Variants in FAN1 observed in about 807,000 individuals in gnomAD.
FAN1 encodes FANCD2 and FANCI associated nuclease 1.
FAN1 carries 91 observed loss-of-function variants against 104.9 expected under a neutral mutation model. That is an observed-to-expected ratio of 0.87 (90% CI 0.73 to 1.03). The LOEUF is 1.03. Ranked by LOEUF, FAN1 falls within the 50% of genes least tolerant of loss-of-function variation. The pLI, the probability that FAN1 is intolerant of heterozygous loss-of-function variation, is 0.00. For synonymous variants in FAN1, 478 were observed against 457.6 expected (o/e 1.04, Z -0.57); for missense variants, 1,263 against 1,239.9 (o/e 1.02, Z -0.28).
At chr15:30,932,393 G>A (rs1272770533) in intron 13 of FAN1, among the ~76,000 whole-genome samples, 1 of 152,052 alleles carries the variant, frequency 6.6e-6, no homozygotes, top group Non-Finnish European at 1.5e-5. Flanking sequence ...GAAGGATATT[G>A]AGCTGTACTT....
chr15:30,929,772 T>TAA (rs2062608634), intron 12 of FAN1, among the ~76,000 whole-genome samples: 6 of 30,592 alleles, frequency 2.0e-4, no homozygotes, highest in African/African-American at 8.4e-4. Context: ...ATAAAATATA[T>TAA]AATATATTAT....
At chr15:30,933,492 G>GT (rs754738305) in intron 13 of FAN1, among the ~76,000 whole-genome samples, 1 of 152,100 alleles carries the variant, frequency 6.6e-6, no homozygotes, top group Non-Finnish European at 1.5e-5. Context: ...GACATATTTT[G>GT]TATGATTTGA....
rs1463199111 is a variant in FAN1, at chr15:30,941,841, TTA to T, written c.*281_*282del. The T allele has an allele frequency of 8.1e-6, 13 of 1,613,890 alleles. No homozygotes were observed. Among genetic ancestry groups the T allele is most frequent in the Non-Finnish European group, 8.5e-7 (1 of 1,179,900 alleles). On this transcript the variant is annotated 3_prime_UTR_variant, in exon 15 of 15. Transcript: ENST00000362065. ...CGGAAGTAGCACAGTTTCCACAGTT[TTA>T]TGTGTGTTCCAGAGACACGTGGCAG...
chr15:30,932,453 G>C (rs1406941569), intron 13 of FAN1, among the ~76,000 whole-genome samples: 1 of 152,066 alleles, frequency 6.6e-6, no homozygotes, highest in Admixed American at 6.6e-5. Context: ...AGTCATACCA[G>C]CATCAGAGTG....
rs751410785 is a variant in FAN1, at chr15:30,904,751, A to G, written c.88A>G (p.Ile30Val). The G allele has an allele frequency of 1.2e-5, 19 of 1,612,780 alleles. 1 individual carries two copies. The Middle Eastern group carries it at 6.6e-4, about 56-fold the overall frequency. The change falls in exon 2 of 15, where the codon ATT (isoleucine) becomes GTT (valine). Residue 30 changes from isoleucine to valine, a missense_variant. Transcript: ENST00000362065. ...SKNKKKASNS[I>V]ISCFNNAPPA... ...GAATAAGAAAAAAGCATCTAATTCTATTATTTCGTGTTTTAACAATGCACC... is the reference window on the plus strand; with the variant it reads ...GAATAAGAAAAAAGCATCTAATTCTGTTATTTCGTGTTTTAACAATGCACC...
intron 2 of FAN1, chr15:30,906,589 G>A: frequency 2.2e-6 from 1 of 444,674 alleles, no homozygotes; most frequent in Non-Finnish European, 4.6e-6. Context: ...CCTGAGGGCA[G>A]GAAAAAACAT....
At chr15:30,911,429 G>C (rs914906663) in intron 4 of FAN1, 1 of 982,996 alleles carries the variant, frequency 1.0e-6, no homozygotes, top group African/African-American at 1.7e-5. Context: ...ACATGATGTT[G>C]TTATTTATTT....
intron 14 of FAN1, chr15:30,939,502 CAAT>C: frequency 1.0e-6 from 1 of 983,412 alleles, no homozygotes; most frequent in Non-Finnish European, 1.2e-6. Context: ...AACTGTAGCA[CAAT>C]AATCATGATA....
At chr15:30,923,206 A>C (rs1426478146) in intron 8 of FAN1, among the ~76,000 whole-genome samples, 5 of 152,106 alleles carry the variant, frequency 3.3e-5, no homozygotes, top group Admixed American at 2.0e-4. Flanking sequence ...TTGTTACCTC[A>C]CGTATCAGGG....
chr15:30,922,180 T>C (rs1022030395), intron 7 of FAN1, 55 bp from the exon 8 acceptor site: 11 of 1,585,266 alleles, frequency 6.9e-6, no homozygotes, highest in Non-Finnish European at 8.6e-6. Context: ...GTAAATATCA[T>C]TGCAGCTGGA....
At position 30,942,905 on chromosome 15, in the gene FAN1, A is replaced by G. The variant is rs780996694; in HGVS notation, c.*1343A>G. 3.4e-5 allele frequency: 53 copies of G among 1,564,598 alleles called. No homozygotes were observed. The highest frequency in any genetic ancestry group is 2.4e-5 in the Non-Finnish European group (28 of 1,153,244). On this transcript the variant is annotated 3_prime_UTR_variant, in exon 15 of 15. Coordinates refer to ENST00000362065, the MANE Select transcript of FAN1 (RefSeq NM_014967.5). The stretch of plus-strand genomic sequence containing the variant: ...TGTGATTTACCTTTGTCCGTTTAAA[A>G]GACTTCACGGAGCCATTCTGTATAC...
At position 30,904,812 on chromosome 15, in the gene FAN1, T is replaced by G. The variant is rs148404807; in HGVS notation, c.149T>G (p.Met50Arg). 3,268 of 1,613,604 alleles carry G rather than the reference T, an allele frequency of 2.0e-3. 8 individuals carry two copies. The highest frequency in any genetic ancestry group is 3.6e-3 in the Admixed American group (218 of 60,010). The change falls in exon 2 of 15, where the codon ATG becomes AGG. Residue 50 changes from methionine (M) to arginine (R), a missense_variant. Physicochemically the swap from Met to Arg is moderately conservative, Grantham distance 91. Transcript: ENST00000362065. ...AKLACPVCSKMVPRYDLNRHL... is the reference protein window; with the variant it reads ...AKLACPVCSKRVPRYDLNRHL... ...CTTGCCTGCCCCGTTTGCAGTAAAATGGTGCCTAGATATGACTTAAACCGG... is the reference window on the plus strand; with the variant it reads ...CTTGCCTGCCCCGTTTGCAGTAAAAGGGTGCCTAGATATGACTTAAACCGG...
At position 30,941,949 on chromosome 15, in the gene FAN1, G is replaced by C; in HGVS notation, c.*387G>C. ...GTATCACTGTTCTGGCTGTCGGTTT[G>C]CTGAGCTGGATCTGGCTTTGGTTTT... On this transcript the variant is annotated 3_prime_UTR_variant, in exon 15 of 15. Coordinates refer to ENST00000362065, the MANE Select transcript of FAN1 (RefSeq NM_014967.5). 5 of 1,614,014 alleles carry C rather than the reference G, an allele frequency of 3.1e-6. No individual in the cohort carries two copies. Among genetic ancestry groups the C allele is most frequent in the Non-Finnish European group, 4.2e-6 (5 of 1,179,898 alleles).
chr15:30,923,312 C>G (rs1279657442), intron 8 of FAN1, among the ~76,000 whole-genome samples: 1 of 152,184 alleles, frequency 6.6e-6, no homozygotes, highest in Non-Finnish European at 1.5e-5. Context: ...GAGAAAGCAT[C>G]TGGTAGCCTA....
At position 30,908,120 on chromosome 15, in the gene FAN1, A is replaced by G. The variant is rs765375809; in HGVS notation, c.1237A>G (p.Thr413Ala). 12 of 1,594,224 alleles carry G rather than the reference A, an allele frequency of 7.5e-6. No individual in the cohort carries two copies. Among genetic ancestry groups the G allele is most frequent in the East Asian group, 2.2e-5 (1 of 44,682 alleles). The part of the protein sequence containing the change: ...IVTKFYQLSA[T>A]GQKLYVRLFQ... ...CATTTTTCTTAACTTTATTGCAGCT[A>G]CTGGTCAGAAGTTATATGTAAGGCT... The change falls in exon 3 of 15, where the codon ACT becomes GCT. Residue 413 changes from threonine to alanine, a missense_variant and splice_region_variant. Around this residue, in one of 2 missense-constraint regions of FAN1, gnomAD observed 682 missense variants for 571.1 expected, o/e 1.19. Coordinates refer to ENST00000362065, the MANE Select transcript of FAN1 (RefSeq NM_014967.5).
chr15:30,939,325 C>A (rs181070366), intron 14 of FAN1: 3 of 985,370 alleles, frequency 3.0e-6, no homozygotes, highest in Non-Finnish European at 2.4e-6. Context: ...TCCCTCAGCA[C>A]GGGCTCTGCT....
chr15:30,910,665 A>C lies in FAN1; in HGVS notation c.1427A>C (p.Glu476Ala). 6.2e-7 allele frequency: 1 copy of C among 1,613,834 alleles called. No homozygotes were observed. Among genetic ancestry groups the C allele is most frequent in the East Asian group, 2.2e-5 (1 of 44,840 alleles). The change falls in exon 4 of 15, where the codon GAA becomes GCA. Residue 476 changes from glutamate to alanine, a missense_variant. Glu to Ala is a moderately radical substitution (Grantham distance 107). Coordinates refer to ENST00000362065, the MANE Select transcript of FAN1 (RefSeq NM_014967.5). Reference protein sequence around the residue: ...SEVLELLSAPELKSLAKTFHL... With the variant: ...SEVLELLSAPALKSLAKTFHL... ...GTGCTTGAACTCCTTTCTGCTCCTGAACTAAAATCCCTAGCCAAGACCTTC... is the reference window on the plus strand; with the variant it reads ...GTGCTTGAACTCCTTTCTGCTCCTGCACTAAAATCCCTAGCCAAGACCTTC...
intron 14 of FAN1, 95 bp from the exon 15 acceptor site, chr15:30,941,471 T>A: frequency 6.2e-7 from 1 of 1,601,822 alleles, no homozygotes; most frequent in Non-Finnish European, 8.5e-7. Context: ...CACCCTATTT[T>A]AGTCTTCATT....
chr15:30,906,349 C>G lies in FAN1; in HGVS notation c.1234+452C>G, dbSNP rs75062651. 22 of 458,042 alleles carry G rather than the reference C, an allele frequency of 4.8e-5. No homozygotes were observed. The East Asian group carries it at 1.5e-3, about 32-fold the overall frequency. 28.4% of individuals were successfully genotyped at this position (458,042 alleles called of 1,614,324 possible). ...AACAAACCAACCTGAGGCATATTTT[C>G]TTTCTCCCAACAACATTTTAGATTT... On this transcript the variant is annotated intron_variant, in intron 2 of 14. Coordinates refer to ENST00000362065, the MANE Select transcript of FAN1 (RefSeq NM_014967.5).
Sources: allele counts gnomAD v4.1 joint callset (sites outside exome capture counted in the v4.1 genomes callset), GRCh38; gene constraint gnomAD v4.1.1; regional missense constraint gnomAD v4.1.1; transcripts MANE v1.5; gene names NCBI Gene and HGNC (gene_info 2026-07-23, HGNC 2026-07-21).